Variants in PLCE1 observed in about 807,000 individuals in gnomAD.
The protein encoded by PLCE1 is phospholipase C epsilon 1, also known as 1-phosphatidylinositol 4,5-bisphosphate phosphodiesterase epsilon-1.
A neutral mutation model predicts 242.8 loss-of-function variants in PLCE1; 119 were observed. The observed-to-expected ratio is 0.49, with a 90% CI of 0.42 to 0.57. PLCE1 has a LOEUF of 0.57. Among genes scored for constraint, PLCE1 ranks in the 20% least tolerant of loss-of-function variants. The pLI is 0.00. For missense variants in PLCE1, 2,441 were observed against 2,788.8 expected (o/e 0.88, Z 2.81); for synonymous variants, 945 against 1,017.4 (o/e 0.93, Z 1.35).
In PLCE1 at chr10:94,268,973, C is replaced by T. The variant is rs201668152; in HGVS notation, c.4326C>T (p.Asp1442=). 130 of 1,612,838 alleles carry T rather than the reference C, an allele frequency of 8.1e-5. No individual in the cohort carries two copies. Among genetic ancestry groups the T allele is most frequent in the African/African-American group, 6.5e-4 (49 of 74,932 alleles). Residue 1442 remains aspartate, a synonymous_variant, in exon 17 of 33, where the codon GAC becomes GAT. Coordinates refer to ENST00000371380, the MANE Select transcript of PLCE1 (RefSeq NM_016341.4). ...GAAGTGTAGAATTGGACTGCTGGGACGGAGACGATGGGATGCCCATCATTT... is the reference window on the plus strand; with the variant it reads ...GAAGTGTAGAATTGGACTGCTGGGATGGAGACGATGGGATGCCCATCATTT... The part of the protein sequence containing the change: ...GCRSVELDCW[D]GDDGMPIIYH...
intron 2 of PLCE1, chr10:94,089,304 C>T: frequency 1.2e-6 from 2 of 1,613,946 alleles, no homozygotes; most frequent in Non-Finnish European, 1.7e-6. Context: ...GTTGGCTCTT[C>T]CCGCTCTCTG....
intron 8 of PLCE1, among the ~76,000 whole-genome samples, chr10:94,249,344 A>G (rs2050795098): frequency 6.6e-6 from 1 of 152,192 alleles, no homozygotes; most frequent in South Asian, 2.1e-4. Context: ...AAAAGATCAA[A>G]TCTTTTGTTA....
chr10:94,227,023 C>A, intron 4 of PLCE1: 1 of 362,756 alleles, frequency 2.8e-6, no homozygotes, highest in South Asian at 2.2e-5. Flanking sequence ...ATTATAGGCG[C>A]CTGCCACCAT....
At chr10:94,226,831 CTTTTTTTTT>C (rs1177112312) in intron 4 of PLCE1, among the ~76,000 whole-genome samples, 4 of 101,818 alleles carry the variant, frequency 3.9e-5, no homozygotes, top group African/African-American at 1.2e-4. Context: ...ACCTATAGGT[CTTTTTTTTT>C]TTTTTTTTTT....
chr10:94,219,065 A>G (rs2137046248), intron 4 of PLCE1, among the ~76,000 whole-genome samples: 1 of 151,276 alleles, frequency 6.6e-6, no homozygotes, highest in South Asian at 2.1e-4. Flanking sequence ...TAATACCACT[A>G]TTTAATTACT....
chr10:94,308,626 A>G lies in PLCE1; in HGVS notation c.5930A>G (p.Glu1977Gly), dbSNP rs764292204. The change falls in exon 27 of 33, where the codon GAG (glutamate) becomes GGG (glycine). Residue 1977 changes from glutamate (E) to glycine (G), a missense_variant. Coordinates refer to ENST00000371380, the MANE Select transcript of PLCE1 (RefSeq NM_016341.4). ...CGAAACCTTCACAATGAAGTCTTGG[A>G]GATTTCTAGTTTATTCATTAACAGC... is the stretch of plus-strand genomic sequence containing the variant. Reference protein sequence around the residue: ...QLRNLHNEVLEISSLFINSRR... With the variant: ...QLRNLHNEVLGISSLFINSRR... The G allele has an allele frequency of 1.5e-5, 24 of 1,613,476 alleles. No homozygotes were observed. Among genetic ancestry groups the G allele is most frequent in the Admixed American group, 3.3e-5 (2 of 59,994 alleles).
intron 4 of PLCE1, among the ~76,000 whole-genome samples, chr10:94,218,498 T>C (rs893492896): frequency 1.3e-5 from 2 of 152,168 alleles, no homozygotes; most frequent in African/African-American, 2.4e-5. Context: ...CAATTTCATG[T>C]GTAGATAAAA....
chr10:94,187,179 T>C (rs560507981), intron 4 of PLCE1, among the ~76,000 whole-genome samples: 2,469 of 149,084 alleles, frequency 0.017, 26 homozygotes, highest in Middle Eastern at 0.025. Flanking sequence ...TGTGTGTGTG[T>C]GTGCGTGCAC....
intron 32 of PLCE1, among the ~76,000 whole-genome samples, chr10:94,326,983 ACC>A (rs1426970370): frequency 1.3e-5 from 2 of 151,776 alleles, no homozygotes; most frequent in Non-Finnish European, 2.9e-5. Flanking sequence ...ACATGGTGAA[ACC>A]CCGTCTCTAC....
In PLCE1 at chr10:94,308,817, A is replaced by G; in HGVS notation, c.6003+118A>G. ...TATTAATTAGGTAGCTATGGAAATTAATAACAATAATGGCTGACACTTGGC... is the reference window on the plus strand; with the variant it reads ...TATTAATTAGGTAGCTATGGAAATTGATAACAATAATGGCTGACACTTGGC... On this transcript the variant is annotated intron_variant, in intron 27 of 32. Transcript: ENST00000371380. The G allele has an allele frequency of 1.0e-5, 8 of 776,062 alleles. 1 individual carries two copies. Among genetic ancestry groups the G allele is most frequent in the Non-Finnish European group, 1.9e-5 (8 of 426,226 alleles). 48.1% of individuals were successfully genotyped at this position (776,062 alleles called of 1,614,324 possible). A position where few individuals can be genotyped will look rare whatever the true frequency, so the allele number is the denominator to read the frequency against.
chr10:94,051,873 A>G (rs2043775275), intron 2 of PLCE1, among the ~76,000 whole-genome samples: 2 of 152,238 alleles, frequency 1.3e-5, no homozygotes, highest in African/African-American at 4.8e-5. Flanking sequence ...AAATTATAAA[A>G]GTAATACACT....
chr10:94,060,750 G>T (rs966107245), intron 2 of PLCE1, among the ~76,000 whole-genome samples: 37 of 149,384 alleles, frequency 2.5e-4, no homozygotes, highest in Non-Finnish European at 5.9e-5. Context: ...TAGATAGAGT[G>T]CAGTGGTGTG....
chr10:94,285,840 C>A (rs2133351882), intron 22 of PLCE1, among the ~76,000 whole-genome samples: 1 of 152,300 alleles, frequency 6.6e-6, no homozygotes, highest in Non-Finnish European at 1.5e-5. Context: ...CCCCAATTGA[C>A]CGTTTTTAGA....
At chr10:94,199,760 G>C (rs1370312802) in intron 4 of PLCE1, among the ~76,000 whole-genome samples, 2 of 151,772 alleles carry the variant, frequency 1.3e-5, no homozygotes, top group African/African-American at 4.8e-5. Context: ...AAATGACCCT[G>C]TGGGATGGAA....
rs1226536197 is a variant in PLCE1 at position 94,332,015 on chromosome 10, G to A, written c.*4072G>A. 6.6e-6 allele frequency: 1 copy of A among 152,046 alleles called. No individual in the cohort carries two copies. Among genetic ancestry groups the A allele is most frequent in the Non-Finnish European group, 1.5e-5 (1 of 68,156 alleles). 9.4% of individuals were successfully genotyped at this position (152,046 alleles called of 1,614,324 possible). ...GCCTCCCAAGTAGCTGGGACTACAG[G>A]TGTGCGCCATGTCCGTCTAATTTTT... is the stretch of plus-strand genomic sequence containing the variant. On this transcript the variant is annotated 3_prime_UTR_variant, in exon 33 of 33. Transcript: ENST00000371380.
intron 24 of PLCE1, among the ~76,000 whole-genome samples, chr10:94,303,279 G>T (rs1217396873): frequency 6.6e-6 from 1 of 152,170 alleles, no homozygotes; most frequent in Non-Finnish European, 1.5e-5. Flanking sequence ...TCTATCAGAG[G>T]GAGTATTCAT....
chr10:94,276,437 GA>G (rs993828578), intron 19 of PLCE1, among the ~76,000 whole-genome samples: 16 of 152,154 alleles, frequency 1.1e-4, no homozygotes, highest in African/African-American at 3.9e-4. Flanking sequence ...GGAGCACTTT[GA>G]AAAACAGATT....
chr10:94,032,227 G>T lies in PLCE1; in HGVS notation c.1181G>T (p.Arg394Leu). The change falls in exon 2 of 33, where the codon CGT becomes CTT. Residue 394 changes from arginine to leucine, a missense_variant. By Grantham distance (102) the Arg-to-Leu change is moderately radical. Around this residue, in one of 5 missense-constraint regions of PLCE1, gnomAD observed 733 missense variants for 754.2 expected, o/e 0.97. Transcript: ENST00000371380. ...GAGATAAGGCAAGATGGGAGCCAAC[G>T]TCTGTCAGAAGCCCAGTGGTATCCT... ...TVEIRQDGSQ[R>L]LSEAQWYPIY... The T allele has an allele frequency of 6.2e-7, 1 of 1,613,278 alleles. No individual in the cohort carries two copies. The highest frequency in any genetic ancestry group is 8.5e-7 in the Non-Finnish European group (1 of 1,179,614).
At position 94,147,188 on chromosome 10, in the gene PLCE1, G is replaced by A. The variant is rs189848976; in HGVS notation, c.1492+14729G>A. On this transcript the variant is annotated intron_variant, in intron 3 of 32. Transcript: ENST00000371380. ...TGTAATACCAGCACTTTGGGAGGCC[G>A]AGGCACGCAGATCACCTGAGGTCAG... Among the ~76,000 whole-genome samples the A allele has an allele frequency of 3.1e-4, 47 of 152,166 alleles. No homozygotes were observed. In the East Asian group the frequency reaches 7.7e-3, roughly 25 times the overall value.
Sources: gnomAD v4.1 joint callset for allele counts (sites outside exome capture counted in the v4.1 genomes callset) on GRCh38, gnomAD v4.1.1 for gene constraint, gnomAD v4.1.1 regional missense constraint, MANE v1.5 for transcripts, NCBI Gene and HGNC (gene_info 2026-07-23, HGNC 2026-07-21) for gene names.